Variants in KDM4C observed in about 807,000 individuals in gnomAD.
KDM4C encodes the protein lysine-specific demethylase 4C.
In KDM4C, 81 loss-of-function variants were observed where a neutral mutation model predicts 129.3. The observed-to-expected ratio is 0.63, with a 90% CI of 0.52 to 0.75. The LOEUF is 0.75. KDM4C is among the 30% of genes least tolerant of loss of function. KDM4C has a pLI of 0.00. For synonymous variants in KDM4C, 573 were observed against 456.1 expected, an observed-to-expected ratio of 1.26 and a Z score of -3.26; for missense variants, 1,457 against 1,304.0, an observed-to-expected ratio of 1.12 and a Z score of -1.81.
chr9:6,828,858 C>G (rs182533399), intron 4 of KDM4C, among the ~76,000 whole-genome samples: 3 of 143,658 alleles, frequency 2.1e-5, no homozygotes, highest in African/African-American at 8.1e-5. Flanking sequence ...GCAACAAGAT[C>G]GAAACTCCGT....
chr9:6,731,036 C>G (rs1817315591), intron 1 of KDM4C, among the ~76,000 whole-genome samples: 2 of 152,166 alleles, frequency 1.3e-5, no homozygotes, highest in Non-Finnish European at 2.9e-5. Flanking sequence ...AACAATCACC[C>G]TCTTTTGGTC....
At chr9:6,936,524 T>G (rs1415285982) in intron 8 of KDM4C, among the ~76,000 whole-genome samples, 1 of 152,236 alleles carries the variant, frequency 6.6e-6, no homozygotes, top group African/African-American at 2.4e-5. Context: ...AATTAGGTAA[T>G]ACTATTTTAA....
At position 6,865,008 on chromosome 9, in the gene KDM4C, C is replaced by CTT. The variant is rs777981928; in HGVS notation, c.630-14989_630-14988dup. On this transcript the variant is annotated intron_variant, in intron 5 of 21. Coordinates refer to ENST00000381309, the MANE Select transcript of KDM4C (RefSeq NM_015061.6). ...TTCAATCTCTTTGTTAAATTTCTTTCTTTTTTTTTTTTTTTTGTGAGATAG... is the reference window on the plus strand; with the variant it reads ...TTCAATCTCTTTGTTAAATTTCTTTCTTTTTTTTTTTTTTTTTTGTGAGATAG... Among the ~76,000 whole-genome samples, 283 of 126,574 alleles carry CTT rather than the reference C, an allele frequency of 2.2e-3. 5 individuals are homozygous for CTT. Among genetic ancestry groups the CTT allele is most frequent in the African/African-American group, 6.5e-3 (223 of 34,188 alleles). 83.0% of individuals were successfully genotyped at this position (126,574 alleles called of 152,430 possible).
intron 19 of KDM4C, among the ~76,000 whole-genome samples, chr9:7,151,806 C>G (rs1449305207): frequency 6.6e-6 from 1 of 152,168 alleles, no homozygotes; most frequent in Non-Finnish European, 1.5e-5. Flanking sequence ...TTACAGGGGT[C>G]TAGAACCAGC....
chr9:7,103,594 T>TTTCTTCTC, intron 17 of KDM4C, 91 bp from the exon 18 acceptor site: 3 of 969,028 alleles, frequency 3.1e-6, no homozygotes, highest in South Asian at 1.7e-5. Flanking sequence ...TTTTTTTTTT[T>TTTCTTCTC]TCTTCTCTAG....
At chr9:7,064,349 T>C (rs933321328) in intron 17 of KDM4C, among the ~76,000 whole-genome samples, 1 of 152,220 alleles carries the variant, frequency 6.6e-6, no homozygotes, top group Non-Finnish European at 1.5e-5. Context: ...GCCCTTTTCT[T>C]TAAAGTTTTA....
Position 6,720,998 on chromosome 9 carries a change from G to T in KDM4C, c.49+1G>T. ...AAGAGGACTGAAGAAGCAGCTGCAG[G>T]TGAGTGCTGCTCTGAACATAATCCA... On this transcript the variant is annotated splice_donor_variant, in intron 1 of 17. Coordinates refer to the KDM4C transcript ENST00000536108. LOFTEE classifies it high-confidence loss of function. 6.4e-7 allele frequency: 1 copy of T among 1,550,776 alleles called. No individual in the cohort carries two copies. The highest frequency in any genetic ancestry group is 8.7e-7 in the Non-Finnish European group (1 of 1,146,150).
chr9:6,849,382 C>A, intron 4 of KDM4C, 125 bp from the exon 5 acceptor site: 31 of 650,870 alleles, frequency 4.8e-5, no homozygotes, highest in East Asian at 2.1e-4. Context: ...TTTTATTTTT[C>A]AGTTTTCAGT....
At chr9:6,849,372 T>C in intron 4 of KDM4C, 135 bp from the exon 5 acceptor site, 1 of 626,632 alleles carries the variant, frequency 1.6e-6, no homozygotes, top group Non-Finnish European at 2.5e-6. Flanking sequence ...ATAAGAGTTG[T>C]TTTATTTTTC....
intron 8 of KDM4C, chr9:6,941,865 T>G (rs56053430): frequency 1.2e-5 from 1 of 84,614 alleles, no homozygotes. Context: ...TCTCTCTCTC[T>G]TGTGTGTGTG....
intron 8 of KDM4C, among the ~76,000 whole-genome samples, chr9:6,926,454 T>C (rs1007866324): frequency 7.2e-5 from 11 of 152,160 alleles, no homozygotes; most frequent in African/African-American, 2.4e-4. Flanking sequence ...GAAAATATTT[T>C]GTGGCCATAT....
chr9:6,722,614 A>G (rs1431190000), intron 1 of KDM4C, among the ~76,000 whole-genome samples: 4 of 151,804 alleles, frequency 2.6e-5, no homozygotes, highest in Non-Finnish European at 5.9e-5. Flanking sequence ...CCCAGGTTCA[A>G]GTGATTCTCC....
At chr9:6,766,850 A>C (rs1820730434) in intron 1 of KDM4C, among the ~76,000 whole-genome samples, 1 of 151,954 alleles carries the variant, frequency 6.6e-6, no homozygotes, top group Admixed American at 6.6e-5. Flanking sequence ...CTCTGCCAGT[A>C]CGTTTTCTCT....
intron 1 of KDM4C, among the ~76,000 whole-genome samples, chr9:6,786,087 A>C (rs914457521): frequency 2.6e-5 from 4 of 152,194 alleles, no homozygotes; most frequent in Non-Finnish European, 5.9e-5. Flanking sequence ...ACTAATACAC[A>C]ATGAGAGCTG....
chr9:7,052,524 A>G (rs972883951), intron 17 of KDM4C, among the ~76,000 whole-genome samples: 24 of 152,266 alleles, frequency 1.6e-4, no homozygotes, highest in African/African-American at 5.3e-4. Context: ...TAACAGATCT[A>G]ATTCACACAC....
At chr9:7,012,497 C>T (rs1032430795) in intron 13 of KDM4C, among the ~76,000 whole-genome samples, 5 of 152,092 alleles carry the variant, frequency 3.3e-5, no homozygotes, top group Non-Finnish European at 5.9e-5. Context: ...TTGAAAACGT[C>T]ATTCTCAAAT....
chr9:6,757,700 G>C, upstream of KDM4C: 1 of 985,562 alleles, frequency 1.0e-6, no homozygotes, highest in Non-Finnish European at 1.2e-6. Context: ...ATCAGGTCCA[G>C]CCCTGCGGGA....
chr9:6,754,880 T>TA (rs58382779), upstream of KDM4C, among the ~76,000 whole-genome samples: 2,780 of 83,260 alleles, frequency 0.033, 63 homozygotes, highest in African/African-American at 0.061. Context: ...TGTCTCAAAG[T>TA]AAAAAAAAAA....
At chr9:7,008,308 C>G (rs1368423930) in intron 12 of KDM4C, among the ~76,000 whole-genome samples, 1 of 152,122 alleles carries the variant, frequency 6.6e-6, no homozygotes, top group Non-Finnish European at 1.5e-5. Flanking sequence ...AGTGTCAGGC[C>G]ATCTCTCAGC....
Sources: gnomAD v4.1 joint callset for allele counts (sites outside exome capture counted in the v4.1 genomes callset) on GRCh38, gnomAD v4.1.1 for gene constraint, MANE v1.5 for transcripts, NCBI Gene and HGNC (gene_info 2026-07-23, HGNC 2026-07-21) for gene names.